Variants in NAV2 observed in about 807,000 individuals in gnomAD.
NAV2 encodes neuron navigator 2.
NAV2 carries 54 observed loss-of-function variants against 223.2 expected under a neutral mutation model. The ratio of observed to expected loss-of-function variants is 0.24; its 90% confidence interval spans 0.19 to 0.30. The LOEUF is 0.30. Ranked by LOEUF, NAV2 falls within the 10% of genes least tolerant of loss-of-function variation. The pLI is 1.00. For missense variants in NAV2, 2,806 were observed against 3,147.5 expected (o/e 0.89, Z 2.60); for synonymous variants, 1,279 against 1,239.3 (o/e 1.03, Z -0.67).
intron 1 of NAV2, among the ~76,000 whole-genome samples, chr11:19,547,667 G>T (rs1394561836): frequency 6.6e-6 from 1 of 152,050 alleles, no homozygotes; most frequent in Non-Finnish European, 1.5e-5. Flanking sequence ...GGAAGGGAGT[G>T]GGGGCTGAGA....
At chr11:19,832,133 G>C (rs553082696) in intron 1 of NAV2, among the ~76,000 whole-genome samples, 1 of 152,178 alleles carries the variant, frequency 6.6e-6, no homozygotes, top group South Asian at 2.1e-4. Context: ...AAGGGGTGGG[G>C]GAGACTTTGC....
In NAV2 at chr11:20,055,931, G is replaced by C; in HGVS notation, c.4805G>C (p.Gly1602Ala). 1.9e-6 allele frequency: 3 copies of C among 1,614,040 alleles called. No homozygotes were observed. Among genetic ancestry groups the C allele is most frequent in the Non-Finnish European group, 2.5e-6 (3 of 1,180,020 alleles). ...AAGAGCAGAACCATGAGCCGTTCAG[G>C]CTCATTCCGGGATGGGTTTGAAGAA... ...DEKSRTMSRS[G>A]SFRDGFEEVH... is the part of the protein sequence containing the mutation. The change falls in exon 19 of 38, where the codon GGC becomes GCC. Residue 1602 changes from glycine (G) to alanine (A), a missense_variant. Around this residue, in one of 4 missense-constraint regions of NAV2, gnomAD observed 824 missense variants for 1,069.4 expected, o/e 0.77. Transcript: ENST00000349880.
chr11:20,036,200 G>T, intron 12 of NAV2, 103 bp downstream of exon 12: 1 of 1,378,676 alleles, frequency 7.3e-7, no homozygotes, highest in South Asian at 1.3e-5. Flanking sequence ...AGAATCTCCA[G>T]GTTGATGAGA....
At chr11:20,037,677 G>A (rs540143234) in intron 12 of NAV2, among the ~76,000 whole-genome samples, 1 of 152,172 alleles carries the variant, frequency 6.6e-6, no homozygotes, top group Non-Finnish European at 1.5e-5. Context: ...ATGTATTCAA[G>A]CTATGTACTT....
chr11:19,587,740 G>T (rs1197770068), intron 1 of NAV2, among the ~76,000 whole-genome samples: 2 of 152,148 alleles, frequency 1.3e-5, no homozygotes, highest in Non-Finnish European at 2.9e-5. Context: ...GAGACTGACT[G>T]CACACAGAAA....
chr11:20,083,041 A>G lies in NAV2; in HGVS notation c.5360A>G (p.Lys1787Arg), dbSNP rs1323874582. The G allele has an allele frequency of 1.9e-6, 3 of 1,614,056 alleles. No individual in the cohort carries two copies. Among genetic ancestry groups the G allele is most frequent in the Middle Eastern group, 1.7e-4 (1 of 6,058 alleles). The change falls in exon 26 of 38, where the codon AAG becomes AGG. Residue 1787 changes from lysine (K) to arginine (R), a missense_variant. Lys to Arg is a conservative substitution (Grantham distance 26). Coordinates refer to ENST00000349880, the MANE Select transcript of NAV2 (RefSeq NM_145117.5). ...TCCTTCAAGCAAGCTTTCGGGAAGA[A>G]GAAGTCCCCAAAATCTGCGTCCTCT... ...RSSFKQAFGK[K>R]KSPKSASSHS...
At chr11:19,940,004 T>A (rs1255660019) in intron 8 of NAV2, among the ~76,000 whole-genome samples, 1 of 152,060 alleles carries the variant, frequency 6.6e-6, no homozygotes, top group African/African-American at 2.4e-5. Flanking sequence ...CGTAAACAAG[T>A]CTCTTACTGG....
chr11:19,557,502 T>C (rs2044935820), intron 1 of NAV2, among the ~76,000 whole-genome samples: 1 of 152,236 alleles, frequency 6.6e-6, no homozygotes, highest in Non-Finnish European at 1.5e-5. Flanking sequence ...ATGCAATTCA[T>C]GGACAATCGA....
intron 6 of NAV2, among the ~76,000 whole-genome samples, chr11:19,898,764 C>T (rs563077234): frequency 6.6e-6 from 1 of 152,214 alleles, no homozygotes; most frequent in South Asian, 2.1e-4. Context: ...TATTTATATA[C>T]CCATCAACAA....
At chr11:19,514,850 C>T (rs758261265) in intron 1 of NAV2, among the ~76,000 whole-genome samples, 9 of 152,186 alleles carry the variant, frequency 5.9e-5, no homozygotes, top group Non-Finnish European at 1.2e-4. Context: ...CCAGGCTGTG[C>T]TCTGGGCTGA....
intron 3 of NAV2, 92 bp downstream of exon 3, chr11:19,843,015 T>C (rs1297647136): frequency 2.9e-6 from 3 of 1,042,016 alleles, no homozygotes; most frequent in Non-Finnish European, 4.5e-6. Flanking sequence ...TCATACCAGA[T>C]GCTTTACTCC....
intron 1 of NAV2, among the ~76,000 whole-genome samples, chr11:19,492,329 A>G (rs919923633): frequency 6.6e-6 from 1 of 152,108 alleles, no homozygotes; most frequent in Non-Finnish European, 1.5e-5. Context: ...AACAACCCAC[A>G]ATGAAACAAG....
At chr11:19,854,873 T>C (rs1456329753) in intron 3 of NAV2, among the ~76,000 whole-genome samples, 1 of 152,222 alleles carries the variant, frequency 6.6e-6, no homozygotes, top group African/African-American at 2.4e-5. Flanking sequence ...TGATTACTTA[T>C]TGCCTTGTTG....
intron 1 of NAV2, among the ~76,000 whole-genome samples, chr11:19,731,159 A>C (rs78412899): frequency 6.6e-6 from 1 of 152,320 alleles, no homozygotes; most frequent in African/African-American, 2.4e-5. Flanking sequence ...CCTTTATGCC[A>C]CCAAGGTGGG....
At chr11:19,920,443 A>G (rs2044183681) in intron 6 of NAV2, among the ~76,000 whole-genome samples, 1 of 151,924 alleles carries the variant, frequency 6.6e-6, no homozygotes, top group Non-Finnish European at 1.5e-5. Context: ...GTGTGCCACC[A>G]CGCCCAGCTA....
chr11:19,614,767 C>T (rs1335989780), intron 1 of NAV2, among the ~76,000 whole-genome samples: 1 of 152,122 alleles, frequency 6.6e-6, no homozygotes, highest in Non-Finnish European at 1.5e-5. Context: ...CTGCTCAGGG[C>T]CTCTGTCAGG....
At chr11:19,553,424 C>G (rs1320275505) in intron 1 of NAV2, among the ~76,000 whole-genome samples, 1 of 152,176 alleles carries the variant, frequency 6.6e-6, no homozygotes, top group Non-Finnish European at 1.5e-5. Context: ...GGGGGCCTAC[C>G]CCTGCTTTAG....
chr11:19,488,547 C>T (rs983925003), intron 1 of NAV2, among the ~76,000 whole-genome samples: 24 of 152,258 alleles, frequency 1.6e-4, no homozygotes, highest in Non-Finnish European at 1.8e-4. Flanking sequence ...CACTTTTGTC[C>T]TTCCCAGATG....
At chr11:19,576,533 G>A (rs1016949226) in intron 1 of NAV2, among the ~76,000 whole-genome samples, 1 of 151,886 alleles carries the variant, frequency 6.6e-6, no homozygotes, top group East Asian at 1.9e-4. Flanking sequence ...ATAGTTATTT[G>A]GGGATATTAC....
Sources: allele counts gnomAD v4.1 joint callset (sites outside exome capture counted in the v4.1 genomes callset), GRCh38; gene constraint gnomAD v4.1.1; regional missense constraint gnomAD v4.1.1; transcripts MANE v1.5; gene names NCBI Gene and HGNC (gene_info 2026-07-23, HGNC 2026-07-21).